Variants in NPAT observed in about 807,000 individuals in gnomAD.
NPAT encodes the protein nuclear protein, coactivator of histone transcription, also known as protein NPAT.
In NPAT, 52 loss-of-function variants were observed where a neutral mutation model predicts 130.7. The observed-to-expected ratio is 0.40, with a 90% CI of 0.32 to 0.50. The LOEUF (loss-of-function observed/expected upper bound fraction) is 0.50, where lower values mean the gene tolerates loss of function less well. Ranked by LOEUF, NPAT falls within the 20% of genes least tolerant of loss-of-function variation. The probability of loss-of-function intolerance (pLI) is 0.68; values close to 1 mark genes in which losing one functional copy is unlikely to be tolerated. For missense variants in NPAT, 1,687 were observed against 1,662.6 expected, an observed-to-expected ratio of 1.01 and a Z score of -0.26; for synonymous variants, 580 against 584.8, an observed-to-expected ratio of 0.99 and a Z score of 0.12.
chr11:108,203,931 T>C (rs1223909348), intron 1 of NPAT, among the ~76,000 whole-genome samples: 1 of 152,244 alleles, frequency 6.6e-6, no homozygotes, highest in African/African-American at 2.4e-5. Context: ...AACCTCCTTG[T>C]AAAATTTGTT....
chr11:108,172,741 G>A lies in NPAT; in HGVS notation c.2243C>T (p.Pro748Leu). 1 of 1,613,402 alleles carries A rather than the reference G, an allele frequency of 6.2e-7. No homozygotes were observed. The highest frequency in any genetic ancestry group is 8.5e-7 in the Non-Finnish European group (1 of 1,180,002). ...VSLKVIISDD[P>L]FVSSDTELTS... ...AAGTTCAGTATCTGAGGAAACAAAT[G>A]GATCATCACTAATGATAACTTTGAG... Residue 748 changes from proline (P) to leucine (L), a missense_variant, in exon 13 of 18, where the codon CCA becomes CTA. Physicochemically the swap from Pro to Leu is moderately conservative, Grantham distance 98. Transcript: ENST00000278612.
chr11:108,188,538 T>C (rs2078131195), intron 6 of NPAT, among the ~76,000 whole-genome samples: 1 of 152,170 alleles, frequency 6.6e-6, no homozygotes, highest in African/African-American at 2.4e-5. Context: ...AGAAAGATAA[T>C]TGGTTTGTGA....
chr11:108,216,298 A>T lies in NPAT; in HGVS notation c.37+6202T>A, dbSNP rs557988269. Among the ~76,000 whole-genome samples the T allele has an allele frequency of 1.9e-3, 290 of 152,276 alleles. 1 individual carries two copies. Among genetic ancestry groups the T allele is most frequent in the Non-Finnish European group, 2.0e-3 (133 of 68,010 alleles). On this transcript the variant is annotated intron_variant, in intron 1 of 17. Coordinates refer to ENST00000278612, the MANE Select transcript of NPAT (RefSeq NM_002519.3). ...TACTATAGATTTGCAGTAGATTTTT[A>T]TCTATCTTAAAGTAGATTTGCTTTC...
intron 10 of NPAT, among the ~76,000 whole-genome samples, chr11:108,183,226 G>C (rs1292347816): frequency 6.6e-6 from 1 of 152,114 alleles, no homozygotes. Flanking sequence ...GGCTCAAGCA[G>C]TCCTCCTGCC....
intron 10 of NPAT, among the ~76,000 whole-genome samples, chr11:108,178,422 T>G (rs557017284): frequency 3.2e-4 from 49 of 151,680 alleles, no homozygotes; most frequent in African/African-American, 9.4e-4. Context: ...ATTATTATTT[T>G]TGTGTGTGTG....
At chr11:108,188,974 C>T in intron 6 of NPAT, 132 bp downstream of exon 6, 1 of 737,194 alleles carries the variant, frequency 1.4e-6, no homozygotes, top group Admixed American at 2.1e-5. Flanking sequence ...AAGTCTGTTC[C>T]ACTTTTAGTC....
At chr11:108,207,210 G>A (rs1591415367) in intron 1 of NPAT, among the ~76,000 whole-genome samples, 3 of 152,354 alleles carry the variant, frequency 2.0e-5, no homozygotes, top group East Asian at 1.9e-4. Flanking sequence ...CTGAGTCTGG[G>A]GTTTTTATGG....
chr11:108,166,631 T>G (rs79029537), intron 15 of NPAT, among the ~76,000 whole-genome samples: 3,607 of 152,318 alleles, frequency 0.024, 105 homozygotes, highest in African/African-American at 0.075. Context: ...AACATTACCA[T>G]GTACAAGGTC....
At position 108,173,639 on chromosome 11, in the gene NPAT, T is replaced by G; in HGVS notation, c.1345A>C (p.Asn449His). ...DIDITFESVPNLNDFNQRGNS... is the reference protein window; with the variant it reads ...DIDITFESVPHLNDFNQRGNS... Reference sequence around the variant, plus strand: ...CCTCTTTGGTTAAAGTCATTCAAATTAGGCACGGACTCAAAGGTAATGTCA... The same window carrying G: ...CCTCTTTGGTTAAAGTCATTCAAATGAGGCACGGACTCAAAGGTAATGTCA... The change falls in exon 13 of 18, where the codon AAT (asparagine) becomes CAT (histidine). Residue 449 changes from asparagine to histidine, a missense_variant. By Grantham distance (68) the Asn-to-His change is moderately conservative. Transcript: ENST00000278612. 4 of 1,614,214 alleles carry G rather than the reference T, an allele frequency of 2.5e-6. No individual in the cohort carries two copies. Among genetic ancestry groups the G allele is most frequent in the Non-Finnish European group, 8.5e-7 (1 of 1,180,040 alleles).
At chr11:108,203,973 T>C (rs957969113) in intron 1 of NPAT, among the ~76,000 whole-genome samples, 6 of 152,214 alleles carry the variant, frequency 3.9e-5, no homozygotes, top group Admixed American at 3.3e-4. Context: ...AAACTCCATA[T>C]GGTCATGCAA....
In NPAT at chr11:108,172,831, T is replaced by C. The variant is rs745361790; in HGVS notation, c.2153A>G (p.Gln718Arg). The C allele has an allele frequency of 4.3e-6, 7 of 1,613,962 alleles. No homozygotes were observed. The highest frequency in any genetic ancestry group is 2.2e-5 in the South Asian group (2 of 91,084). ...GCTAGAAGGTTTATCATCAGTATTT[T>C]GGGACTCAGGGTGAGAATCTCCCAC... ...SSVGDSHPES[Q>R]NTDDKPSSNN... is the part of the protein sequence containing the mutation. The change falls in exon 13 of 18, where the codon CAA (glutamine) becomes CGA (arginine). Residue 718 changes from glutamine to arginine, a missense_variant. This residue lies in a region of NPAT where 1,379 missense variants were observed against 1,346.6 expected (regional missense o/e 1.02). Transcript: ENST00000278612.
At chr11:108,215,955 G>A (rs1428037982) in intron 1 of NPAT, among the ~76,000 whole-genome samples, 1 of 152,168 alleles carries the variant, frequency 6.6e-6, no homozygotes, top group Non-Finnish European at 1.5e-5. Context: ...AAGATACACT[G>A]CAATGTTTTC....
intron 2 of NPAT, among the ~76,000 whole-genome samples, chr11:108,196,099 G>A (rs865944899): frequency 2.0e-5 from 3 of 151,980 alleles, no homozygotes; most frequent in Non-Finnish European, 4.4e-5. Context: ...GAAGTCTTAC[G>A]GTCCTGTGTT....
rs940646759 is a variant in NPAT at position 108,161,858 on chromosome 11, C to A, written c.3228G>T (p.Thr1076=). ...ACACCATCTTATGGTTTGGCCCCTGCGTATTTGCCACAGGAGCAGTAGTGC... is the reference window on the plus strand; with the variant it reads ...ACACCATCTTATGGTTTGGCCCCTGAGTATTTGCCACAGGAGCAGTAGTGC... ...FDSTTAPVAN[T]QGPNHKMVSQ... The change falls in exon 17 of 18, where the codon ACG becomes ACT. Residue 1076 remains threonine, a synonymous_variant. Coordinates refer to ENST00000278612, the MANE Select transcript of NPAT (RefSeq NM_002519.3). 2 of 1,614,028 alleles carry A rather than the reference C, an allele frequency of 1.2e-6. No individual in the cohort carries two copies. Among genetic ancestry groups the A allele is most frequent in the Admixed American group, 1.7e-5 (1 of 60,010 alleles).
chr11:108,163,647 G>C (rs1051099138), intron 15 of NPAT, among the ~76,000 whole-genome samples: 2 of 152,208 alleles, frequency 1.3e-5, no homozygotes, highest in Non-Finnish European at 2.9e-5. Context: ...AGAGAGGTGA[G>C]AAATATGTAG....
At position 108,209,660 on chromosome 11, in the gene NPAT, C is replaced by A. The variant is rs1184034614; in HGVS notation, c.38-12240G>T. Among the ~76,000 whole-genome samples the A allele has an allele frequency of 2.0e-5, 3 of 152,134 alleles. No homozygotes were observed. The East Asian group carries it at 5.8e-4, about 29-fold the overall frequency. On this transcript the variant is annotated intron_variant, in intron 1 of 17. Transcript: ENST00000278612. ...ATCCCAGCACTTTGGGAGGCCAAGGCAGGCAGATCACGAGGTCAGGAGATC... is the reference window on the plus strand; with the variant it reads ...ATCCCAGCACTTTGGGAGGCCAAGGAAGGCAGATCACGAGGTCAGGAGATC...
chr11:108,177,123 C>A, intron 10 of NPAT, 33 bp from the exon 11 acceptor site: 1 of 1,137,814 alleles, frequency 8.8e-7, no homozygotes, highest in Non-Finnish European at 1.3e-6. Context: ...AGGCATGATT[C>A]TAACTGAATT....
At chr11:108,181,451 C>T (rs544023165) in intron 10 of NPAT, among the ~76,000 whole-genome samples, 6 of 144,914 alleles carry the variant, frequency 4.1e-5, no homozygotes, top group East Asian at 2.0e-4. Flanking sequence ...GGTGACAGAG[C>T]GAGACTCTGT....
rs2077820957 is a variant in NPAT, at chr11:108,158,973, T to C, written c.4253A>G (p.Lys1418Arg). 9 of 1,608,480 alleles carry C rather than the reference T, an allele frequency of 5.6e-6. No homozygotes were observed. The highest frequency in any genetic ancestry group is 6.8e-6 in the Non-Finnish European group (8 of 1,177,238). Reference sequence around the variant, plus strand: ...ATCATAATGCAATGATAACAAAAATTTGTCTACATCCATTCCTGCTGGAAA... The same window carrying C: ...ATCATAATGCAATGATAACAAAAATCTGTCTACATCCATTCCTGCTGGAAA... ...SSFPAGMDVDKFLLSLHYDE is the reference protein window; with the variant it reads ...SSFPAGMDVDRFLLSLHYDE The change falls in exon 18 of 18, where the codon AAA (lysine) becomes AGA (arginine). Residue 1418 changes from lysine (K) to arginine (R), a missense_variant. Lys to Arg is a conservative substitution (Grantham distance 26). Coordinates refer to ENST00000278612, the MANE Select transcript of NPAT (RefSeq NM_002519.3).
Sources: allele counts gnomAD v4.1 joint callset (sites outside exome capture counted in the v4.1 genomes callset), GRCh38; gene constraint gnomAD v4.1.1; regional missense constraint gnomAD v4.1.1; transcripts MANE v1.5; gene names NCBI Gene and HGNC (gene_info 2026-07-23, HGNC 2026-07-21).